The following TAS2R1 variants were observed in gnomAD, a reference collection of about 807,000 sequenced individuals.
TAS2R1 encodes the protein taste receptor type 2 member 1.
For missense variants in TAS2R1, 370 were observed against 353.4 expected (o/e 1.05, Z -0.38); for synonymous variants, 141 against 134.2 (o/e 1.05, Z -0.35).
chr5:9,759,616 T>G, the TAS2R1 span, among the ~76,000 whole-genome samples: 12 of 152,142 alleles, frequency 7.9e-5, no homozygotes, highest in Admixed American at 7.9e-4. Context: ...GACTGAAAAA[T>G]AGTTATCGAG....
At chr5:9,819,681 G>A in the TAS2R1 span, among the ~76,000 whole-genome samples, 232 of 152,220 alleles carry the variant, frequency 1.5e-3, no homozygotes, top group East Asian at 0.011. Flanking sequence ...GGATGGGTGC[G>A]GCATGCTGAC....
chr5:9,819,861 T>C, the TAS2R1 span, among the ~76,000 whole-genome samples: 1 of 152,086 alleles, frequency 6.6e-6, no homozygotes, highest in African/African-American at 2.4e-5. Flanking sequence ...CCAGGCATAC[T>C]GTAGGATTGT....
chr5:9,861,236 C>T, the TAS2R1 span, among the ~76,000 whole-genome samples: 1 of 151,938 alleles, frequency 6.6e-6, no homozygotes, highest in East Asian at 1.9e-4. Flanking sequence ...GACATTCACT[C>T]TGCAGCTGGC....
intron 1 of TAS2R1, among the ~76,000 whole-genome samples, chr5:9,667,425 C>T (rs1191478525): frequency 6.6e-6 from 1 of 152,216 alleles, no homozygotes. Flanking sequence ...ATCCACCTTA[C>T]TTCTTGTAGC....
At chr5:9,704,781 A>T (rs975106848) in intron 1 of TAS2R1, among the ~76,000 whole-genome samples, 6 of 152,196 alleles carry the variant, frequency 3.9e-5, no homozygotes, top group African/African-American at 1.2e-4. Flanking sequence ...GGATGATAAG[A>T]GAGTTGGAAA....
chr5:9,722,841 T>C, the TAS2R1 span, among the ~76,000 whole-genome samples: 1 of 152,172 alleles, frequency 6.6e-6, no homozygotes, highest in Non-Finnish European at 1.5e-5. Context: ...GCACCATCAC[T>C]CCAGATGAAG....
At chr5:9,708,085 G>T (rs1741657177) in intron 1 of TAS2R1, among the ~76,000 whole-genome samples, 1 of 152,172 alleles carries the variant, frequency 6.6e-6, no homozygotes, top group Admixed American at 6.5e-5. Context: ...GCATAGATCA[G>T]CATTTGAAGG....
At chr5:9,723,928 C>T in the TAS2R1 span, among the ~76,000 whole-genome samples, 51 of 152,194 alleles carry the variant, frequency 3.4e-4, no homozygotes, top group Non-Finnish European at 7.1e-4. Context: ...TTTCTTTGTT[C>T]TTCCTCATTG....
chr5:9,834,463 G>A, the TAS2R1 span, among the ~76,000 whole-genome samples: 2 of 151,958 alleles, frequency 1.3e-5, no homozygotes, highest in Non-Finnish European at 2.9e-5. Flanking sequence ...GGAAAAGCTG[G>A]GTACACATAA....
chr5:9,874,720 C>A, the TAS2R1 span, among the ~76,000 whole-genome samples: 1 of 152,092 alleles, frequency 6.6e-6, no homozygotes, highest in South Asian at 2.1e-4. Flanking sequence ...AGACTTGGAG[C>A]CCCAAGTCCT....
chr5:9,638,402 C>T (rs1379232512), intron 2 of TAS2R1, among the ~76,000 whole-genome samples: 2 of 152,192 alleles, frequency 1.3e-5, no homozygotes, highest in Admixed American at 6.5e-5. Context: ...TTCTTGAATG[C>T]TGGTTATACT....
At chr5:9,729,213 A>T in the TAS2R1 span, among the ~76,000 whole-genome samples, 1 of 152,234 alleles carries the variant, frequency 6.6e-6, no homozygotes. Context: ...TGGGGACTGC[A>T]AAAGGAGGGT....
At position 9,630,202 on chromosome 5, in the gene TAS2R1, T is replaced by G. The variant is rs570035926; in HGVS notation, c.-170A>C. The G allele has an allele frequency of 5.8e-6, 3 of 520,082 alleles. No homozygotes were observed. The South Asian group carries it at 1.3e-4, about 22-fold the overall frequency. The allele number at this position is 520,082 out of a possible 1,614,324, so 32.2% of individuals were successfully genotyped here. ...CATTTGTTTATGTCACTGCTTTCTC[T>G]ATTTAGTTCTGAGACAGTCAAATAA... On this transcript the variant is annotated 5_prime_UTR_variant, in exon 1 of 1. Coordinates refer to ENST00000382492, the MANE Select transcript of TAS2R1 (RefSeq NM_019599.3).
the TAS2R1 span, among the ~76,000 whole-genome samples, chr5:9,900,618 G>GTT: frequency 4.7e-3 from 565 of 119,924 alleles, 10 homozygotes; most frequent in African/African-American, 0.015. Flanking sequence ...TGCTCAAATG[G>GTT]TTTTTTTTTT....
chr5:9,791,158 T>G, the TAS2R1 span, among the ~76,000 whole-genome samples: 6 of 152,142 alleles, frequency 3.9e-5, no homozygotes, highest in Middle Eastern at 3.2e-3. Flanking sequence ...GACATTAGTC[T>G]TATAGCTGTG....
At chr5:9,873,417 T>C in the TAS2R1 span, among the ~76,000 whole-genome samples, 4 of 151,780 alleles carry the variant, frequency 2.6e-5, no homozygotes, top group African/African-American at 9.7e-5. Context: ...CCTTTTTTTT[T>C]TTTTTTAACC....
the TAS2R1 span, among the ~76,000 whole-genome samples, chr5:9,887,086 A>G: frequency 6.6e-6 from 1 of 152,220 alleles, no homozygotes; most frequent in African/African-American, 2.4e-5. Context: ...AGACTACCAA[A>G]GTGTTTTCCA....
rs35262775 is a variant in TAS2R1, at chr5:9,693,524, C to CAAAA, written c.-242+18644_-242+18647dup. Among the ~76,000 whole-genome samples the CAAAA allele has an allele frequency of 5.3e-3, 174 of 32,916 alleles. 2 individuals carry two copies. Among genetic ancestry groups the CAAAA allele is most frequent in the African/African-American group, 0.016 (156 of 9,672 alleles). 21.6% of individuals were successfully genotyped at this position (32,916 alleles called of 152,430 possible). On this transcript the variant is annotated intron_variant, in intron 1 of 2. Coordinates refer to the TAS2R1 transcript ENST00000506620. Reference sequence around the variant, plus strand: ...GGGCAATAAGAGCAAAACTCCATCTCAAAAAAAAAAAAAAAAAAAAAAAAG... The same window carrying CAAAA: ...GGGCAATAAGAGCAAAACTCCATCTCAAAAAAAAAAAAAAAAAAAAAAAAAAAAG...
chr5:9,719,076 A>AT, the TAS2R1 span, among the ~76,000 whole-genome samples: 1 of 152,206 alleles, frequency 6.6e-6, no homozygotes, highest in Admixed American at 6.5e-5. Context: ...AGTTAAAGGT[A>AT]TTGCATCAAT....
Sources: allele counts gnomAD v4.1 joint callset (sites outside exome capture counted in the v4.1 genomes callset), GRCh38; gene constraint gnomAD v4.1.1; transcripts MANE v1.5; gene names NCBI Gene and HGNC (gene_info 2026-07-23, HGNC 2026-07-21).